Variants in DENND1B observed in about 807,000 individuals in gnomAD.
DENND1B encodes DENN domain containing 1B, also known as DENN domain-containing protein 1B.
Under a neutral mutation model 90.1 loss-of-function variants are expected in DENND1B, and 59 were observed. The observed-to-expected ratio is 0.65, with a 90% CI of 0.53 to 0.81. The LOEUF is 0.81. Among genes scored for constraint, DENND1B ranks in the 40% least tolerant of loss-of-function variants. DENND1B has a pLI of 0.00. For missense variants in DENND1B, 862 were observed against 912.6 expected (o/e 0.94, Z 0.71); for synonymous variants, 337 against 324.6 (o/e 1.04, Z -0.41).
intron 2 of DENND1B, chr1:197,747,253 T>G: frequency 1.6e-6 from 1 of 637,644 alleles, no homozygotes; most frequent in Non-Finnish European, 2.9e-6. Context: ...AGAAGGACAC[T>G]CTTCATAGGC....
chr1:197,536,179 T>TGAGATGAGAG, intron 20 of DENND1B, among the ~76,000 whole-genome samples: 1 of 138,958 alleles, frequency 7.2e-6, no homozygotes. Flanking sequence ...TGAGATGAGA[T>TGAGATGAGAG]GAGATGAGAT....
At chr1:197,539,877 T>C in intron 20 of DENND1B, 87 bp downstream of exon 20, 1 of 1,119,166 alleles carries the variant, frequency 8.9e-7, no homozygotes, top group South Asian at 1.4e-5. Flanking sequence ...GATAAAAAAT[T>C]AGTGGATCCA....
At chr1:197,537,582 GTAAGA>G (rs1670006140) in intron 20 of DENND1B, among the ~76,000 whole-genome samples, 1 of 151,836 alleles carries the variant, frequency 6.6e-6, no homozygotes, top group African/African-American at 2.4e-5. Flanking sequence ...AAAAAAACAG[GTAAGA>G]TAATAGATGT....
chr1:197,520,910 T>C (rs939551602), intron 20 of DENND1B, among the ~76,000 whole-genome samples: 1 of 151,832 alleles, frequency 6.6e-6, no homozygotes, highest in Non-Finnish European at 1.5e-5. Context: ...GAAGTGAACA[T>C]TCGTATAACA....
At chr1:197,725,479 C>T (rs991111041) in intron 2 of DENND1B, among the ~76,000 whole-genome samples, 2 of 151,886 alleles carry the variant, frequency 1.3e-5, no homozygotes, top group African/African-American at 4.8e-5. Flanking sequence ...TTATATATTT[C>T]TTATATGCAA....
Position 197,775,282 on chromosome 1 carries a change from C to G in DENND1B, c.-127G>C. On this transcript the variant is annotated 5_prime_UTR_variant, in exon 1 of 23. The change abolishes the stop of an existing upstream ORF in the 5' untranslated region. Coordinates refer to ENST00000620048, the MANE Select transcript of DENND1B (RefSeq NM_001195215.2). Reference sequence around the variant, plus strand: ...CGGCCACACAGGGAAAGAGGCTGCTCACAGCAGCCGTGGCGGCGGGCCCAT... The same window carrying G: ...CGGCCACACAGGGAAAGAGGCTGCTGACAGCAGCCGTGGCGGCGGGCCCAT... 1.4e-6 allele frequency: 1 copy of G among 731,278 alleles called. No individual in the cohort carries two copies. The highest frequency in any genetic ancestry group is 1.9e-6 in the Non-Finnish European group (1 of 530,306). 45.3% of individuals were successfully genotyped at this position (731,278 alleles called of 1,614,324 possible).
chr1:197,539,304 T>C (rs1670150491), intron 20 of DENND1B, among the ~76,000 whole-genome samples: 1 of 152,170 alleles, frequency 6.6e-6, no homozygotes, highest in Non-Finnish European at 1.5e-5. Context: ...TTCTGTAATT[T>C]TGTAGCTACA....
intron 10 of DENND1B, among the ~76,000 whole-genome samples, chr1:197,640,031 G>C (rs1270057489): frequency 6.6e-6 from 1 of 152,062 alleles, no homozygotes; most frequent in Non-Finnish European, 1.5e-5. Flanking sequence ...GTCATAAACA[G>C]TTGATAATAA....
chr1:197,631,940 A>T (rs1042642365), intron 10 of DENND1B, among the ~76,000 whole-genome samples: 8 of 152,056 alleles, frequency 5.3e-5, no homozygotes, highest in Non-Finnish European at 1.0e-4. Context: ...TTTGGTAAAG[A>T]CTTGTCCTGT....
At chr1:197,637,093 C>T (rs1264142983) in intron 10 of DENND1B, among the ~76,000 whole-genome samples, 1 of 151,956 alleles carries the variant, frequency 6.6e-6, no homozygotes, top group Non-Finnish European at 1.5e-5. Flanking sequence ...ACACACTGCC[C>T]TCAATAGTTT....
At chr1:197,564,105 T>G (rs1016754317) in intron 15 of DENND1B, among the ~76,000 whole-genome samples, 1 of 151,918 alleles carries the variant, frequency 6.6e-6, no homozygotes, top group African/African-American at 2.4e-5. Flanking sequence ...GAAGATGCTG[T>G]GAAGAGTGTT....
chr1:197,623,226 G>A (rs1197806807), intron 10 of DENND1B, among the ~76,000 whole-genome samples: 1 of 151,354 alleles, frequency 6.6e-6, no homozygotes, highest in Non-Finnish European at 1.5e-5. Flanking sequence ...GACCTCACCT[G>A]ATTTTTAACT....
intron 7 of DENND1B, among the ~76,000 whole-genome samples, chr1:197,650,661 T>C (rs772891173): frequency 6.6e-6 from 1 of 152,138 alleles, no homozygotes; most frequent in Admixed American, 6.5e-5. Flanking sequence ...GCAGTATATA[T>C]ATATGATGGA....
At chr1:197,636,427 T>C (rs1428797471) in intron 10 of DENND1B, among the ~76,000 whole-genome samples, 5 of 152,246 alleles carry the variant, frequency 3.3e-5, no homozygotes, top group East Asian at 1.9e-4. Flanking sequence ...AAGATGGTCA[T>C]TGTAAGAGGC....
At chr1:197,541,589 TC>T (rs1670340515) in intron 18 of DENND1B, among the ~76,000 whole-genome samples, 1 of 152,194 alleles carries the variant, frequency 6.6e-6, no homozygotes, top group Admixed American at 6.5e-5. Context: ...GTTTCTCACA[TC>T]CTGCTGTGAT....
intron 2 of DENND1B, chr1:197,746,785 C>T: frequency 6.4e-7 from 1 of 1,561,728 alleles, no homozygotes; most frequent in Non-Finnish European, 8.8e-7. Context: ...TTTCCCATCT[C>T]TTCTTTGCTT....
At chr1:197,617,559 T>C in intron 11 of DENND1B, 100 bp downstream of exon 11, 2 of 790,856 alleles carry the variant, frequency 2.5e-6, no homozygotes, top group Non-Finnish European at 4.2e-6. Flanking sequence ...GTTTCTGTGA[T>C]TTCTTTTAAA....
chr1:197,661,018 G>A (rs1273622698), intron 5 of DENND1B, among the ~76,000 whole-genome samples: 1 of 152,030 alleles, frequency 6.6e-6, no homozygotes, highest in Non-Finnish European at 1.5e-5. Context: ...GGAACGGGGT[G>A]TTTACAATAA....
chr1:197,724,141 G>A (rs886787002), intron 2 of DENND1B, among the ~76,000 whole-genome samples: 1 of 151,986 alleles, frequency 6.6e-6, no homozygotes, highest in Non-Finnish European at 1.5e-5. Flanking sequence ...CAGTTCCAAT[G>A]ACTTGAGAAT....
Sources: allele counts gnomAD v4.1 joint callset (sites outside exome capture counted in the v4.1 genomes callset), GRCh38; gene constraint gnomAD v4.1.1; transcripts MANE v1.5; gene names NCBI Gene and HGNC (gene_info 2026-07-23, HGNC 2026-07-21).